Variants in PTPRB observed in about 807,000 individuals in gnomAD.
PTPRB encodes the protein protein tyrosine phosphatase receptor type B, also known as receptor-type tyrosine-protein phosphatase beta.
In PTPRB, 97 loss-of-function variants were observed where a neutral mutation model predicts 238.1. The observed-to-expected ratio is 0.41, with a 90% CI of 0.35 to 0.48. PTPRB has a LOEUF of 0.48. PTPRB is among the 20% of genes least tolerant of loss of function. The probability of loss-of-function intolerance (pLI) is 0.30; values close to 1 mark genes in which losing one functional copy is unlikely to be tolerated. For synonymous variants in PTPRB, 970 were observed against 995.4 expected (o/e 0.97, Z 0.48); for missense variants, 2,292 against 2,681.9 (o/e 0.85, Z 3.21).
At chr12:70,530,793 G>A (rs1052060086) in intron 32 of PTPRB, among the ~76,000 whole-genome samples, 9 of 152,150 alleles carry the variant, frequency 5.9e-5, no homozygotes, top group African/African-American at 1.9e-4. Flanking sequence ...GCCTAGGCTG[G>A]TGTCAAACTC....
At position 70,600,045 on chromosome 12, in the gene PTPRB, G is replaced by A. The variant is rs555649905; in HGVS notation, c.980-3718C>T. Among the ~76,000 whole-genome samples, 239 of 150,594 alleles carry A rather than the reference G, an allele frequency of 1.6e-3. 1 individual carries two copies. Among genetic ancestry groups the A allele is most frequent in the African/African-American group, 5.7e-3 (232 of 40,952 alleles). ...TATATTTATAGCACAAATGATATTT[G>A]CTTCTTAATTGTTTTTGTGACAGCA... On this transcript the variant is annotated intron_variant, in intron 4 of 33. Coordinates refer to ENST00000334414, the MANE Select transcript of PTPRB (RefSeq NM_001109754.4).
At chr12:70,564,740 G>T (rs1360140737) in intron 15 of PTPRB, among the ~76,000 whole-genome samples, 1 of 151,640 alleles carries the variant, frequency 6.6e-6, no homozygotes, top group African/African-American at 2.4e-5. Flanking sequence ...GGTTGAGATG[G>T]GAGGATTGTT....
intron 3 of PTPRB, among the ~76,000 whole-genome samples, chr12:70,619,394 C>A (rs549868102): frequency 1.4e-4 from 22 of 152,104 alleles, no homozygotes; most frequent in African/African-American, 5.3e-4. Context: ...AATATGCACG[C>A]TCCTTTACAA....
At chr12:70,590,708 C>G (rs943619051) in intron 7 of PTPRB, among the ~76,000 whole-genome samples, 25 of 149,950 alleles carry the variant, frequency 1.7e-4, no homozygotes, top group African/African-American at 5.9e-4. Context: ...CCATATCCTT[C>G]CAGTCTTAAC....
At chr12:70,581,863 C>T (rs1304919021) in intron 9 of PTPRB, among the ~76,000 whole-genome samples, 1 of 151,418 alleles carries the variant, frequency 6.6e-6, no homozygotes, top group Non-Finnish European at 1.5e-5. Flanking sequence ...TACTGAAGGC[C>T]TACTATGTGC....
At position 70,585,955 on chromosome 12, in the gene PTPRB, G is replaced by A. The variant is rs552965586; in HGVS notation, c.2311+1052C>T. Among the ~76,000 whole-genome samples the A allele has an allele frequency of 9.2e-5, 14 of 152,134 alleles. No homozygotes were observed. In the East Asian group the frequency reaches 1.7e-3, roughly 19 times the overall value. On this transcript the variant is annotated intron_variant, in intron 9 of 33. Transcript: ENST00000334414. ...AATGATGGTTTCCAGCTTCATTCAC[G>A]TCCCTACCAAGGACACGAACTCATC... is the stretch of plus-strand genomic sequence containing the variant.
chr12:70,576,683 A>T (rs56305834), intron 10 of PTPRB, 38 bp from the exon 11 acceptor site: 2 of 91,446 alleles, frequency 2.2e-5, no homozygotes, highest in African/African-American at 1.1e-4. Flanking sequence ...GGGGGGGGGG[A>T]AGGGGGATTC....
At position 70,609,173 on chromosome 12, in the gene PTPRB, T is replaced by C. The variant is rs775416203; in HGVS notation, c.875A>G (p.Asp292Gly). The C allele has an allele frequency of 3.1e-6, 5 of 1,614,068 alleles. No individual in the cohort carries two copies. The South Asian group carries it at 5.5e-5, about 18-fold the overall frequency. ...AAGGTTACATCCGTATGTGGTGTTG[T>C]CTATCCGAAAGGTAGGGCACAACGC... ...GAALCPTFRI[D>G]NTTYGCNLQD... Residue 292 changes from aspartate (D) to glycine (G), a missense_variant, in exon 4 of 34, where the codon GAC (aspartate) becomes GGC (glycine). By Grantham distance (94) the Asp-to-Gly change is moderately conservative. Coordinates refer to ENST00000334414, the MANE Select transcript of PTPRB (RefSeq NM_001109754.4).
chr12:70,571,792 C>T, intron 12 of PTPRB, 32 bp downstream of exon 12: 1 of 1,592,046 alleles, frequency 6.3e-7, no homozygotes, highest in Non-Finnish European at 8.5e-7. Flanking sequence ...CAAGTCCAAC[C>T]AACTGTCAGA....
chr12:70,573,952 A>T (rs1880408545), intron 11 of PTPRB, among the ~76,000 whole-genome samples: 1 of 152,182 alleles, frequency 6.6e-6, no homozygotes, highest in Admixed American at 6.5e-5. Context: ...TATTTAGAGC[A>T]TGATATTAAG....
intron 11 of PTPRB, among the ~76,000 whole-genome samples, chr12:70,574,189 A>C (rs751472285): frequency 2.0e-5 from 3 of 152,174 alleles, no homozygotes; most frequent in Non-Finnish European, 4.4e-5. Flanking sequence ...GGCTGTGTCC[A>C]ATTTTTCACC....
At chr12:70,573,505 C>CTT (rs937307862) in intron 11 of PTPRB, among the ~76,000 whole-genome samples, 12,437 of 90,304 alleles carry the variant, frequency 0.14, 638 homozygotes, top group African/African-American at 0.18. Context: ...CTTTTCTTTT[C>CTT]TTTTTTTTTT....
intron 4 of PTPRB, among the ~76,000 whole-genome samples, chr12:70,596,978 C>T (rs1031790500): frequency 2.6e-5 from 4 of 151,026 alleles, no homozygotes; most frequent in East Asian, 1.9e-4. Flanking sequence ...AGTGCAGTGG[C>T]GTGATCTCGG....
In PTPRB at chr12:70,518,344, C is replaced by G. The variant is rs1000101420; in HGVS notation, c.*3145G>C. ...GCTACTTGGGAGGCTAAGGCAGAAT[C>G]GCTTGAACCTGGGAGGCGGAGGTTG... On this transcript the variant is annotated 3_prime_UTR_variant, in exon 34 of 34. Coordinates refer to ENST00000334414, the MANE Select transcript of PTPRB (RefSeq NM_001109754.4). The G allele has an allele frequency of 1.3e-5, 2 of 152,104 alleles. No individual in the cohort carries two copies. The highest frequency in any genetic ancestry group is 3.9e-4 in the East Asian group (2 of 5,186). The allele number at this position is 152,104 out of a possible 1,614,324, so 9.4% of individuals were successfully genotyped here. A position where few individuals can be genotyped will look rare whatever the true frequency, so the allele number is the denominator to read the frequency against.
chr12:70,633,948 T>C (rs1885570993), intron 2 of PTPRB, among the ~76,000 whole-genome samples: 1 of 152,118 alleles, frequency 6.6e-6, no homozygotes, highest in Non-Finnish European at 1.5e-5. Flanking sequence ...TTATAATGTT[T>C]CTATATTATT....
chr12:70,579,398 G>T (rs1565971033), intron 10 of PTPRB, among the ~76,000 whole-genome samples: 1 of 152,082 alleles, frequency 6.6e-6, no homozygotes, highest in African/African-American at 2.4e-5. Context: ...AAATATCAGG[G>T]AGAAAGATGC....
chr12:70,593,171 C>G (rs141305256), intron 6 of PTPRB, among the ~76,000 whole-genome samples: 1 of 152,104 alleles, frequency 6.6e-6, no homozygotes, highest in African/African-American at 2.4e-5. Flanking sequence ...AAAGGAGATA[C>G]CCTTTGGTGA....
intron 2 of PTPRB, among the ~76,000 whole-genome samples, chr12:70,631,188 G>C (rs11178338): frequency 0.33 from 49,719 of 151,962 alleles, 11,168 homozygotes; most frequent in African/African-American, 0.62. Flanking sequence ...ATACTACAAG[G>C]CTACAGTAAC....
At chr12:70,625,580 T>C (rs1005814308) in intron 2 of PTPRB, among the ~76,000 whole-genome samples, 1 of 152,132 alleles carries the variant, frequency 6.6e-6, no homozygotes, top group Non-Finnish European at 1.5e-5. Context: ...CTGAACTCTT[T>C]GTTGAAACAG....
Sources: gnomAD v4.1 joint callset for allele counts (sites outside exome capture counted in the v4.1 genomes callset) on GRCh38, gnomAD v4.1.1 for gene constraint, MANE v1.5 for transcripts, NCBI Gene and HGNC (gene_info 2026-07-23, HGNC 2026-07-21) for gene names.